The following HSF2BP variants were observed in gnomAD, a reference collection of about 807,000 sequenced individuals.
HSF2BP encodes heat shock transcription factor 2 binding protein, also known as heat shock factor 2-binding protein.
In HSF2BP, 35 loss-of-function variants were observed where a neutral mutation model predicts 35.0. The observed-to-expected ratio is 1.00, with a 90% CI of 0.76 to 1.32. The LOEUF (loss-of-function observed/expected upper bound fraction) is 1.32. Among genes scored for constraint, HSF2BP ranks in the 40% most tolerant of loss-of-function variants. The pLI, the probability that HSF2BP is intolerant of heterozygous loss-of-function variation, is 0.00. For missense variants in HSF2BP, 326 were observed against 321.7 expected, an observed-to-expected ratio of 1.01 and a Z score of -0.10; for synonymous variants, 114 against 117.4, an observed-to-expected ratio of 0.97 and a Z score of 0.18.
rs146802670 is a variant in HSF2BP at position 43,607,661 on chromosome 21, A to C, written c.692+6169T>G. The stretch of plus-strand genomic sequence containing the variant: ...AAAGCAACGCTAAGAAAAAAGAACA[A>C]AGCTAGAGCCATCACACTGCCCACC... On this transcript the variant is annotated intron_variant, in intron 7 of 8. Coordinates refer to ENST00000291560, the MANE Select transcript of HSF2BP (RefSeq NM_007031.2). 4.5e-3 allele frequency among the ~76,000 whole-genome samples: 688 copies of C among 152,324 alleles called. 9 individuals are homozygous for C. The highest frequency in any genetic ancestry group is 0.016 in the African/African-American group (649 of 41,560).
At chr21:43,636,410 C>T (rs1225727650) in intron 4 of HSF2BP, among the ~76,000 whole-genome samples, 1 of 151,980 alleles carries the variant, frequency 6.6e-6, no homozygotes, top group Non-Finnish European at 1.5e-5. Flanking sequence ...AAGTAAGTTT[C>T]ATCAAAACTT....
At chr21:43,577,454 A>G (rs1601608415) in intron 8 of HSF2BP, among the ~76,000 whole-genome samples, 1 of 152,244 alleles carries the variant, frequency 6.6e-6, no homozygotes, top group Non-Finnish European at 1.5e-5. Context: ...TCTTAAAACG[A>G]GAAGTCCAGG....
intron 8 of HSF2BP, among the ~76,000 whole-genome samples, chr21:43,584,204 A>AGGACCTGCTGAGGGAGATGT (rs1158548837): frequency 6.6e-6 from 1 of 151,788 alleles, no homozygotes; most frequent in Non-Finnish European, 1.5e-5. Context: ...GAGGGAGATG[A>AGGACCTGCTGAGGGAGATGT]AGGGCCTGCT....
chr21:43,577,709 C>T (rs2081661472), intron 8 of HSF2BP, among the ~76,000 whole-genome samples: 1 of 152,208 alleles, frequency 6.6e-6, no homozygotes, highest in Non-Finnish European at 1.5e-5. Context: ...CACGTATACA[C>T]CCAGATGGCC....
In HSF2BP at chr21:43,644,390, G is replaced by A. The variant is rs1323245818; in HGVS notation, c.190C>T (p.Leu64=). Residue 64 remains leucine (L), a splice_region_variant and synonymous_variant, in exon 4 of 9, where the codon CTG becomes TTG. Transcript: ENST00000291560. ...FQKLKIVEKN[L]ERKEQELEQL... ...TCTAATTCTTGCTCTTTCCTTTCCA[G>A]GTCTAGGAGAAAGACATAAAATTAC... 6.2e-7 allele frequency: 1 copy of A among 1,611,436 alleles called. No homozygotes were observed. Among genetic ancestry groups the A allele is most frequent in the East Asian group, 2.2e-5 (1 of 44,872 alleles).
chr21:43,657,135 C>G (rs1010798019), intron 2 of HSF2BP, among the ~76,000 whole-genome samples: 1 of 152,188 alleles, frequency 6.6e-6, no homozygotes, highest in Non-Finnish European at 1.5e-5. Flanking sequence ...CTTTGGGAGG[C>G]CGAGGCGGGT....
chr21:43,575,397 C>T (rs541913842), intron 8 of HSF2BP, among the ~76,000 whole-genome samples: 2 of 152,196 alleles, frequency 1.3e-5, no homozygotes, highest in Non-Finnish European at 2.9e-5. Flanking sequence ...CTTTCAGACT[C>T]CCTTTAAAAA....
chr21:43,589,845 C>A (rs2081904124), intron 8 of HSF2BP, among the ~76,000 whole-genome samples: 1 of 151,938 alleles, frequency 6.6e-6, no homozygotes, highest in Non-Finnish European at 1.5e-5. Context: ...ATAAAAACAA[C>A]AACAACAACA....
chr21:43,620,627 C>T (rs1425056523), intron 6 of HSF2BP, among the ~76,000 whole-genome samples: 1 of 152,044 alleles, frequency 6.6e-6, no homozygotes, highest in Non-Finnish European at 1.5e-5. Context: ...CCCAGGAGTT[C>T]GAGGTTGCAG....
chr21:43,608,209 T>C (rs1171204930), intron 7 of HSF2BP, among the ~76,000 whole-genome samples: 1 of 151,864 alleles, frequency 6.6e-6, no homozygotes, highest in Non-Finnish European at 1.5e-5. Flanking sequence ...AACAAAAGTC[T>C]AATATCCAGA....
intron 3 of HSF2BP, among the ~76,000 whole-genome samples, chr21:43,647,860 C>T (rs140049311): frequency 4.1e-5 from 6 of 145,482 alleles, no homozygotes; most frequent in African/African-American, 1.3e-4. Context: ...ACCTGGGAGG[C>T]GGAAGTTGCA....
In HSF2BP at chr21:43,633,298, C is replaced by G. The variant is rs1299067845; in HGVS notation, c.415G>C (p.Glu139Gln). ...CCTCCCAAAATGGCCTTGACGACTT[C>G]CTCACTGCTGGAGACACCCCACAAG... is the stretch of plus-strand genomic sequence containing the variant. ...TLLWGVSSSE[E>Q]VVKAILGGDK... The change falls in exon 5 of 9, where the codon GAA becomes CAA. Residue 139 changes from glutamate (E) to glutamine (Q), a missense_variant. Transcript: ENST00000291560. 1 of 1,613,302 alleles carries G rather than the reference C, an allele frequency of 6.2e-7. No homozygotes were observed. The highest frequency in any genetic ancestry group is 1.1e-5 in the South Asian group (1 of 90,838).
At chr21:43,586,997 T>C (rs1193690240) in intron 8 of HSF2BP, among the ~76,000 whole-genome samples, 2 of 152,166 alleles carry the variant, frequency 1.3e-5, no homozygotes, top group African/African-American at 4.8e-5. Flanking sequence ...ACCAAAGGAA[T>C]AGAAGAAGCC....
intron 8 of HSF2BP, among the ~76,000 whole-genome samples, chr21:43,581,183 G>A (rs1035587859): frequency 7.2e-5 from 11 of 152,100 alleles, no homozygotes; most frequent in Non-Finnish European, 1.3e-4. Context: ...TCAGGAGATC[G>A]AGACCATCCT....
intron 8 of HSF2BP, among the ~76,000 whole-genome samples, chr21:43,579,389 T>C (rs2081691526): frequency 6.6e-6 from 1 of 152,242 alleles, no homozygotes; most frequent in Non-Finnish European, 1.5e-5. Context: ...AAGCATTATA[T>C]TTTAGTAGCC....
chr21:43,659,173 T>G lies in HSF2BP; in HGVS notation c.-225+213A>C, dbSNP rs1050448778. Among the ~76,000 whole-genome samples, 1 of 151,930 alleles carries G rather than the reference T, an allele frequency of 6.6e-6. No individual in the cohort carries two copies. The highest frequency in any genetic ancestry group is 2.4e-5 in the African/African-American group (1 of 41,350). On this transcript the variant is annotated intron_variant, in intron 1 of 8. Coordinates refer to ENST00000291560, the MANE Select transcript of HSF2BP (RefSeq NM_007031.2). The surrounding 1 kb of genome is among the most constrained non-coding windows in gnomAD (Gnocchi z 4.2). The stretch of plus-strand genomic sequence containing the variant: ...ATAGTGGGGCGTGATGGCGCGCGCC[T>G]GTAGTCTCAGCTACTTGGGCGGTCG...
chr21:43,647,313 G>A (rs1342487583), intron 3 of HSF2BP, among the ~76,000 whole-genome samples: 2 of 151,854 alleles, frequency 1.3e-5, no homozygotes, highest in South Asian at 2.1e-4. Context: ...TGCAACCAAC[G>A]CCTCCCAGGT....
intron 6 of HSF2BP, among the ~76,000 whole-genome samples, chr21:43,627,229 G>T (rs758514288): frequency 6.6e-6 from 1 of 152,036 alleles, no homozygotes; most frequent in African/African-American, 2.4e-5. Flanking sequence ...GTTCTGAGAC[G>T]GAATTTTATC....
At chr21:43,581,578 A>G (rs1015877818) in intron 8 of HSF2BP, among the ~76,000 whole-genome samples, 4 of 152,104 alleles carry the variant, frequency 2.6e-5, no homozygotes, top group Admixed American at 1.3e-4. Flanking sequence ...AACACAGATA[A>G]ATTTTCTCCA....
Sources: gnomAD v4.1 joint callset for allele counts (sites outside exome capture counted in the v4.1 genomes callset) on GRCh38, gnomAD v4.1.1 for gene constraint, Gnocchi (gnomAD v3.1) non-coding constraint, MANE v1.5 for transcripts, NCBI Gene and HGNC (gene_info 2026-07-23, HGNC 2026-07-21) for gene names.